Variants in TRANK1 observed in about 807,000 individuals in gnomAD.
TRANK1 encodes the protein tetratricopeptide repeat and ankyrin repeat containing 1, also known as TPR and ankyrin repeat-containing protein 1.
In TRANK1, 198 loss-of-function variants were observed where a neutral mutation model predicts 266.0. The ratio of observed to expected loss-of-function variants is 0.74; its 90% CI spans 0.66 to 0.84. The LOEUF is 0.84. Ranked by LOEUF, TRANK1 falls within the 40% of genes least tolerant of loss-of-function variation. The pLI is 0.00. For missense variants in TRANK1, 3,326 were observed against 3,634.6 expected (o/e 0.92, Z 2.18); for synonymous variants, 1,396 against 1,384.1 (o/e 1.01, Z -0.19).
chr3:36,897,943 A>G (rs1349699813), intron 4 of TRANK1, among the ~76,000 whole-genome samples: 1 of 152,196 alleles, frequency 6.6e-6, no homozygotes, highest in African/African-American at 2.4e-5. Flanking sequence ...CCAGGCCATT[A>G]GAGTAGTAAC....
At chr3:36,906,000 C>T (rs1462910128) in intron 2 of TRANK1, among the ~76,000 whole-genome samples, 2 of 152,186 alleles carry the variant, frequency 1.3e-5, no homozygotes, top group Non-Finnish European at 2.9e-5. Flanking sequence ...CAGTAGGGGT[C>T]ACACAGTAAG....
At position 36,856,196 on chromosome 3, in the gene TRANK1, C is replaced by T. The variant is rs752380246; in HGVS notation, c.3526G>A (p.Ala1176Thr). ...GGATGTTCTGGTGCACATACTTCTG[C>T]AGCTTGGCCGTCCCCTGCTGGCTCC... ...GVEPAGDGQA[A>T]EVCAPEHPHQ... The change falls in exon 13 of 24, where the codon GCA becomes ACA. Residue 1176 changes from alanine (A) to threonine (T), a missense_variant. Ala to Thr is a moderately conservative substitution (Grantham distance 58). Coordinates refer to ENST00000645898, the MANE Select transcript of TRANK1 (RefSeq NM_001329998.2). The T allele has an allele frequency of 1.2e-6, 2 of 1,613,958 alleles. No individual in the cohort carries two copies. Among genetic ancestry groups the T allele is most frequent in the Admixed American group, 1.7e-5 (1 of 60,022 alleles).
chr3:36,868,308 G>T (rs2079257544), intron 9 of TRANK1, among the ~76,000 whole-genome samples: 1 of 152,076 alleles, frequency 6.6e-6, no homozygotes, highest in Admixed American at 6.5e-5. Context: ...CCGTAAAACT[G>T]GTTTTGTTAT....
intron 9 of TRANK1, among the ~76,000 whole-genome samples, chr3:36,867,540 G>A (rs992373261): frequency 6.6e-6 from 1 of 152,210 alleles, no homozygotes; most frequent in Admixed American, 6.5e-5. Context: ...TTGGCAGGAG[G>A]GCTGTGGGTG....
intron 15 of TRANK1, chr3:36,851,080 G>T (rs764566781): frequency 2.0e-6 from 2 of 985,456 alleles, no homozygotes; most frequent in Non-Finnish European, 2.4e-6. Context: ...ACTAAGCTTG[G>T]GGAGAAAAAC....
At chr3:36,854,059 A>G (rs762327168) in intron 13 of TRANK1, among the ~76,000 whole-genome samples, 1 of 152,210 alleles carries the variant, frequency 6.6e-6, no homozygotes, top group Non-Finnish European at 1.5e-5. Context: ...CATTATCAAC[A>G]TGCAAAATTC....
intron 22 of TRANK1, among the ~76,000 whole-genome samples, 161 bp from the exon 23 acceptor site, chr3:36,829,823 T>C (rs2078671958): frequency 1.3e-5 from 2 of 152,194 alleles, no homozygotes; most frequent in Admixed American, 1.3e-4. Context: ...TGCCTTCTGC[T>C]GCTACAAGCA....
chr3:36,928,042 C>T (rs1374893222), intron 1 of TRANK1, among the ~76,000 whole-genome samples: 1 of 152,192 alleles, frequency 6.6e-6, no homozygotes, highest in Non-Finnish European at 1.5e-5. Context: ...GCAAACCCAG[C>T]CCATATCTCT....
intron 2 of TRANK1, among the ~76,000 whole-genome samples, chr3:36,905,907 A>T (rs1394851830): frequency 2.6e-5 from 4 of 152,200 alleles, no homozygotes; most frequent in African/African-American, 7.2e-5. Flanking sequence ...CTGTGGCAGG[A>T]AGGCCAGCAG....
intron 9 of TRANK1, among the ~76,000 whole-genome samples, chr3:36,867,957 A>C (rs2079250770): frequency 6.6e-6 from 1 of 152,192 alleles, no homozygotes; most frequent in African/African-American, 2.4e-5. Flanking sequence ...CCCACACCCC[A>C]AAGATGTGTA....
intron 17 of TRANK1, among the ~76,000 whole-genome samples, chr3:36,844,883 T>C (rs2078894939): frequency 6.6e-6 from 1 of 152,146 alleles, no homozygotes; most frequent in African/African-American, 2.4e-5. Flanking sequence ...CTCCTTGCTC[T>C]ACCCTTATAG....
rs1178016981 is a variant in TRANK1 at position 36,879,769 on chromosome 3, T to TAA, written c.908-5475_908-5474dup. On this transcript the variant is annotated intron_variant, in intron 8 of 23. Coordinates refer to ENST00000645898, the MANE Select transcript of TRANK1 (RefSeq NM_001329998.2). The stretch of plus-strand genomic sequence containing the variant: ...ATATATAAATATATATAAATATATA[T>TAA]AAATATATATAAATATGTAAATATA... Among the ~76,000 whole-genome samples the TAA allele has an allele frequency of 4.1e-5, 4 of 96,956 alleles. 1 individual carries two copies. Among genetic ancestry groups the TAA allele is most frequent in the African/African-American group, 9.3e-5 (2 of 21,402 alleles). 63.6% of individuals were successfully genotyped at this position (96,956 alleles called of 152,430 possible). A position where few individuals can be genotyped will look rare whatever the true frequency, so the allele number is the denominator to read the frequency against.
At chr3:36,918,363 T>C (rs1575314995) in intron 1 of TRANK1, among the ~76,000 whole-genome samples, 2 of 151,790 alleles carry the variant, frequency 1.3e-5, no homozygotes, top group South Asian at 2.1e-4. Context: ...TGCCGAACTA[T>C]ACATTTAAAA....
chr3:36,930,410 G>C (rs1220473161), intron 1 of TRANK1, among the ~76,000 whole-genome samples: 1 of 152,134 alleles, frequency 6.6e-6, no homozygotes, highest in African/African-American at 2.4e-5. Context: ...AACTCAGCCA[G>C]CCAACATCTT....
At chr3:36,867,209 T>C (rs75837353) in intron 9 of TRANK1, among the ~76,000 whole-genome samples, 2 of 149,950 alleles carry the variant, frequency 1.3e-5, no homozygotes, top group East Asian at 1.9e-4. Flanking sequence ...AAAAAAAAAA[T>C]AGGACCTTTG....
In TRANK1 at chr3:36,870,471, A is replaced by G. The variant is rs1332403566; in HGVS notation, c.1078+3655T>C. On this transcript the variant is annotated intron_variant, in intron 9 of 23. Coordinates refer to ENST00000645898, the MANE Select transcript of TRANK1 (RefSeq NM_001329998.2). Reference sequence around the variant, plus strand: ...CTGCCTAGAATACTTTGGGAAATATACAACTCCACCTTGCCAGCCCTTCCT... The same window carrying G: ...CTGCCTAGAATACTTTGGGAAATATGCAACTCCACCTTGCCAGCCCTTCCT... Among the ~76,000 whole-genome samples, 9 of 151,570 alleles carry G rather than the reference A, an allele frequency of 5.9e-5. 1 individual carries two copies. The East Asian group carries it at 1.7e-3, about 29-fold the overall frequency.
At chr3:36,859,114 C>G (rs2125549119) in intron 11 of TRANK1, among the ~76,000 whole-genome samples, 1 of 152,156 alleles carries the variant, frequency 6.6e-6, no homozygotes, top group East Asian at 1.9e-4. Flanking sequence ...GGGGCCTCAC[C>G]CCCGCCTCCT....
chr3:36,857,946 G>A lies in TRANK1; in HGVS notation c.1776C>T (p.Asn592=), dbSNP rs758957242. The A allele has an allele frequency of 1.2e-6, 2 of 1,602,942 alleles. No individual in the cohort carries two copies. Among genetic ancestry groups the A allele is most frequent in the Non-Finnish European group, 1.7e-6 (2 of 1,179,818 alleles). Residue 592 remains asparagine (N), a synonymous_variant, in exon 13 of 24, where the codon AAC becomes AAT. Transcript: ENST00000645898. This position sits in a 1 kb window ranked among gnomAD's most constrained non-coding sequence, Gnocchi z 4.3. ...TCTGGAAGAGGATGTGCATCAGCGT[G>A]TTCCCATTGCTGTCCTGGACATTGG... is the stretch of plus-strand genomic sequence containing the variant. ...LNPNVQDSNG[N]TLMHILFQKG...
chr3:36,841,091 T>A (rs114457360), intron 18 of TRANK1, among the ~76,000 whole-genome samples: 1,652 of 152,320 alleles, frequency 0.011, 26 homozygotes, highest in African/African-American at 0.034. Flanking sequence ...CACTGTGGCT[T>A]CTGTTAAGTC....
Sources: gnomAD v4.1 joint callset for allele counts (sites outside exome capture counted in the v4.1 genomes callset) on GRCh38, gnomAD v4.1.1 for gene constraint, Gnocchi (gnomAD v3.1) non-coding constraint, MANE v1.5 for transcripts, NCBI Gene and HGNC (gene_info 2026-07-23, HGNC 2026-07-21) for gene names.